The following BMP6 variants were observed in gnomAD, a reference collection of about 807,000 sequenced individuals.
The protein encoded by BMP6 is bone morphogenetic protein 6.
In BMP6, 17 loss-of-function variants were observed where a neutral mutation model predicts 54.1. The observed-to-expected ratio is 0.31, with a 90% CI of 0.22 to 0.47. The LOEUF is 0.47. Among genes scored for constraint, BMP6 ranks in the 20% least tolerant of loss-of-function variants. The pLI is 1.00. For missense variants in BMP6, 720 were observed against 690.4 expected, an observed-to-expected ratio of 1.04 and a Z score of -0.48; for synonymous variants, 328 against 291.2, an observed-to-expected ratio of 1.13 and a Z score of -1.28.
chr6:7,728,720 G>A (rs1024103400), intron 1 of BMP6, among the ~76,000 whole-genome samples: 27 of 152,308 alleles, frequency 1.8e-4, no homozygotes, highest in Admixed American at 1.3e-3. Context: ...GCGCGGCGGG[G>A]TGGGGCTTCA....
intron 1 of BMP6, among the ~76,000 whole-genome samples, chr6:7,801,791 G>C (rs557870900): frequency 1.3e-5 from 2 of 152,312 alleles, no homozygotes; most frequent in African/African-American, 4.8e-5. Context: ...TGGGGGTGCT[G>C]CTCATGATTT....
At chr6:7,788,288 C>G (rs1033090993) in intron 1 of BMP6, among the ~76,000 whole-genome samples, 1 of 152,138 alleles carries the variant, frequency 6.6e-6, no homozygotes, top group Non-Finnish European at 1.5e-5. Flanking sequence ...AAGGCTGTAG[C>G]TGAAACCAAG....
intron 1 of BMP6, among the ~76,000 whole-genome samples, chr6:7,750,386 C>T (rs556092954): frequency 2.6e-5 from 4 of 152,184 alleles, no homozygotes; most frequent in South Asian, 4.2e-4. Context: ...AATGAGGAAA[C>T]GATAAGGGCA....
At chr6:7,786,223 A>G (rs1581247167) in intron 1 of BMP6, among the ~76,000 whole-genome samples, 1 of 152,226 alleles carries the variant, frequency 6.6e-6, no homozygotes, top group South Asian at 2.1e-4. Context: ...AGTGGCTTCC[A>G]GAAAAGCTGG....
At chr6:7,804,286 T>A (rs1376298604) in intron 1 of BMP6, among the ~76,000 whole-genome samples, 1 of 149,856 alleles carries the variant, frequency 6.7e-6, no homozygotes, top group Non-Finnish European at 1.5e-5. Flanking sequence ...TAAAGTAACT[T>A]TTTTTTTTTT....
At chr6:7,846,059 G>A (rs1413764367) in intron 2 of BMP6, among the ~76,000 whole-genome samples, 2 of 152,070 alleles carry the variant, frequency 1.3e-5, no homozygotes, top group East Asian at 3.8e-4. Context: ...AGTATTTAGG[G>A]GTCAGTTTAG....
rs752215460 is a variant in BMP6 at position 7,862,292 on chromosome 6, G to A, written c.1007-9G>A. 56 of 1,613,922 alleles carry A rather than the reference G, an allele frequency of 3.5e-5. No individual in the cohort carries two copies. The highest frequency in any genetic ancestry group is 4.2e-5 in the Non-Finnish European group (50 of 1,179,872). On this transcript the variant is annotated splice_polypyrimidine_tract_variant and intron_variant, in intron 3 of 6. Coordinates refer to ENST00000283147, the MANE Select transcript of BMP6 (RefSeq NM_001718.6). Reference sequence around the variant, plus strand: ...AATAAAGAGATGCATGCTTTGATTTGCATTAAAGGAGTCCACGTCCACCCC... The same window carrying A: ...AATAAAGAGATGCATGCTTTGATTTACATTAAAGGAGTCCACGTCCACCCC...
intron 1 of BMP6, among the ~76,000 whole-genome samples, chr6:7,827,645 G>A (rs2113231746): frequency 6.6e-6 from 1 of 152,320 alleles, no homozygotes; most frequent in African/African-American, 2.4e-5. Flanking sequence ...TTTCACCAAA[G>A]GCCCCAGGAA....
intron 1 of BMP6, among the ~76,000 whole-genome samples, chr6:7,796,658 G>T (rs1294312075): frequency 6.6e-6 from 1 of 151,868 alleles, no homozygotes; most frequent in South Asian, 2.1e-4. Context: ...TTTCTATTTT[G>T]CCAGAAAAAA....
At chr6:7,868,270 T>A (rs555974511) in intron 4 of BMP6, among the ~76,000 whole-genome samples, 1 of 152,264 alleles carries the variant, frequency 6.6e-6, no homozygotes, top group African/African-American at 2.4e-5. Context: ...ATGTTGACCA[T>A]CCAAATTATA....
chr6:7,727,956 C>T (rs1344246624), intron 1 of BMP6, among the ~76,000 whole-genome samples: 1 of 151,928 alleles, frequency 6.6e-6, no homozygotes, highest in East Asian at 1.9e-4. Context: ...CCAGCTCTGG[C>T]CAGGTTAACT....
intron 1 of BMP6, among the ~76,000 whole-genome samples, chr6:7,745,142 G>C (rs533029618): frequency 2.6e-5 from 4 of 152,230 alleles, no homozygotes; most frequent in Non-Finnish European, 4.4e-5. Context: ...TGTGTGGAAT[G>C]CCCAAAAGAT....
intron 1 of BMP6, among the ~76,000 whole-genome samples, chr6:7,804,144 T>C (rs9405356): frequency 0.38 from 57,607 of 152,066 alleles, 11,144 homozygotes; most frequent in East Asian, 0.56. Flanking sequence ...GAGATGGAAA[T>C]GTCTAGAGTG....
At chr6:7,835,340 C>T (rs1581269393) in intron 1 of BMP6, among the ~76,000 whole-genome samples, 1 of 152,196 alleles carries the variant, frequency 6.6e-6, no homozygotes, top group East Asian at 1.9e-4. Flanking sequence ...TCTCGATCTC[C>T]TGACCTTGTG....
intron 1 of BMP6, among the ~76,000 whole-genome samples, chr6:7,775,601 T>C (rs1029282787): frequency 3.9e-5 from 6 of 152,266 alleles, no homozygotes. Context: ...AGTCTGTGTG[T>C]CCGCCTGCCT....
chr6:7,732,968 C>A (rs1184892888), intron 1 of BMP6, among the ~76,000 whole-genome samples: 2 of 151,482 alleles, frequency 1.3e-5, no homozygotes, highest in African/African-American at 4.9e-5. Flanking sequence ...GAGATCTCGG[C>A]TCACTGCAAC....
At chr6:7,789,061 G>A (rs975753591) in intron 1 of BMP6, among the ~76,000 whole-genome samples, 1 of 152,144 alleles carries the variant, frequency 6.6e-6, no homozygotes, top group Admixed American at 6.6e-5. Context: ...TGTATACATT[G>A]TAAGATATCC....
rs1758468125 is a variant in BMP6, at chr6:7,813,289, TTG to T, written c.665-31848_665-31847del. Reference sequence around the variant, plus strand: ...ATTTTTATAAAACACCTCCAATACTTTGTGGAATGACATGGGTTTTAAGTAAA... The same window carrying T: ...ATTTTTATAAAACACCTCCAATACTTTGGAATGACATGGGTTTTAAGTAAA... On this transcript the variant is annotated intron_variant, in intron 1 of 6. Coordinates refer to ENST00000283147, the MANE Select transcript of BMP6 (RefSeq NM_001718.6). 2.1e-5 allele frequency among the ~76,000 whole-genome samples: 3 copies of T among 144,948 alleles called. No homozygotes were observed. The South Asian group carries it at 6.6e-4, about 32-fold the overall frequency.
At chr6:7,740,485 C>T (rs1485080468) in intron 1 of BMP6, among the ~76,000 whole-genome samples, 1 of 152,154 alleles carries the variant, frequency 6.6e-6, no homozygotes, top group African/African-American at 2.4e-5. Flanking sequence ...AATCAAGCCT[C>T]AACTTTTAAT....
Sources: gnomAD v4.1 joint callset for allele counts (sites outside exome capture counted in the v4.1 genomes callset) on GRCh38, gnomAD v4.1.1 for gene constraint, MANE v1.5 for transcripts, NCBI Gene and HGNC (gene_info 2026-07-23, HGNC 2026-07-21) for gene names.